CERT1: variants seen among roughly 807,000 people sequenced by gnomAD.
CERT1 encodes ceramide transfer protein.
Under a neutral mutation model 87.9 loss-of-function variants are expected in CERT1, and 31 were observed. The ratio of observed to expected loss-of-function variants is 0.35; its 90% CI spans 0.27 to 0.48. The LOEUF is 0.48. Among genes scored for constraint, CERT1 ranks in the 20% least tolerant of loss-of-function variants. The pLI is 0.99. For missense variants in CERT1, 487 were observed against 758.0 expected, an observed-to-expected ratio of 0.64 and a Z score of 4.20; for synonymous variants, 289 against 250.9, an observed-to-expected ratio of 1.15 and a Z score of -1.44.
intron 7 of CERT1, 39 bp from the exon 8 acceptor site, chr5:75,411,142 G>A: frequency 8.8e-7 from 1 of 1,142,808 alleles, no homozygotes; most frequent in Non-Finnish European, 1.3e-6. Flanking sequence ...TTTGAGGCAG[G>A]CATTTTAATT....
chr5:75,507,633 G>T (rs1580872401), intron 1 of CERT1, among the ~76,000 whole-genome samples: 2 of 152,038 alleles, frequency 1.3e-5, no homozygotes, highest in Non-Finnish European at 2.9e-5. Context: ...ACTTCCTTGG[G>T]GAGACTGCTA....
intron 7 of CERT1, among the ~76,000 whole-genome samples, chr5:75,413,518 A>C (rs1763014787): frequency 6.6e-6 from 1 of 152,202 alleles, no homozygotes; most frequent in South Asian, 2.1e-4. Flanking sequence ...CTGAGGCAGG[A>C]GGATCACCCG....
Position 75,476,937 on chromosome 5 carries a change from CTTAGTT to C in CERT1, c.232-17762_232-17757del, listed in dbSNP as rs1561290293. Among the ~76,000 whole-genome samples the C allele has an allele frequency of 2.6e-5, 4 of 152,264 alleles. No homozygotes were observed. The South Asian group carries it at 8.3e-4, about 32-fold the overall frequency. ...GGGAAAAAAAAATCCAGTCATCTCA[CTTAGTT>C]TTAAAGTCCCCCAAATTCCCAAATT... On this transcript the variant is annotated intron_variant, in intron 2 of 16. Coordinates refer to ENST00000643780, the MANE Select transcript of CERT1 (RefSeq NM_001379029.1).
At chr5:75,410,797 C>A in intron 8 of CERT1, 1 of 327,816 alleles carries the variant, frequency 3.1e-6, no homozygotes, top group Non-Finnish European at 5.4e-6. Flanking sequence ...TAATACTAAG[C>A]CTTTTGAAGC....
chr5:75,481,552 C>G (rs960418214), intron 2 of CERT1, among the ~76,000 whole-genome samples: 1 of 152,164 alleles, frequency 6.6e-6, no homozygotes, highest in Non-Finnish European at 1.5e-5. Context: ...CTAAGAGGAA[C>G]AGACTCCCAA....
chr5:75,374,216 A>G (rs888157172), downstream of CERT1: 2 of 398,892 alleles, frequency 5.0e-6, no homozygotes, highest in African/African-American at 2.1e-5. Context: ...AAAAAAAAAA[A>G]GACAAGTAAA....
At chr5:75,428,810 G>C (rs913004477) in intron 3 of CERT1, among the ~76,000 whole-genome samples, 1 of 152,036 alleles carries the variant, frequency 6.6e-6, no homozygotes, top group African/African-American at 2.4e-5. Context: ...ATTTAAAGTT[G>C]CAAAAGAACT....
At chr5:75,382,185 A>C in intron 14 of CERT1, 108 bp from the exon 15 acceptor site, 1 of 987,434 alleles carries the variant, frequency 1.0e-6, no homozygotes, top group Non-Finnish European at 1.5e-6. Flanking sequence ...TCAAATTTTA[A>C]ATGGAAAGCA....
At chr5:75,368,697 T>A (rs1760977877) in intron 17 of CERT1, 1 of 152,226 alleles carries the variant, frequency 6.6e-6, no homozygotes, top group African/African-American at 2.4e-5. Flanking sequence ...CTAATTGTGA[T>A]CAAATTTCAT....
intron 5 of CERT1, among the ~76,000 whole-genome samples, chr5:75,421,123 A>G (rs1029841128): frequency 6.6e-6 from 1 of 152,104 alleles, no homozygotes; most frequent in African/African-American, 2.4e-5. Flanking sequence ...TGGCTCCTTT[A>G]TCTTTTCAGG....
At chr5:75,402,327 T>TA (rs1379492305) in intron 9 of CERT1, 16 of 152,214 alleles carry the variant, frequency 1.1e-4, no homozygotes, top group African/African-American at 3.9e-4. Flanking sequence ...GCTTTTTACT[T>TA]AGACTAAATA....
chr5:75,469,943 C>T (rs915417946), intron 2 of CERT1, among the ~76,000 whole-genome samples: 1 of 152,024 alleles, frequency 6.6e-6, no homozygotes, highest in Non-Finnish European at 1.5e-5. Flanking sequence ...ATGAAATAGA[C>T]TTTAAGTCAA....
chr5:75,402,786 C>T (rs1170143785), intron 9 of CERT1, 186 bp downstream of exon 9: 9 of 426,032 alleles, frequency 2.1e-5, no homozygotes, highest in Non-Finnish European at 3.4e-5. Flanking sequence ...GGCAACAGAG[C>T]GAGACTCTGT....
intron 8 of CERT1, 66 bp from the exon 9 acceptor site, chr5:75,403,124 G>C (rs1762564761): frequency 9.6e-7 from 1 of 1,043,752 alleles, no homozygotes; most frequent in Non-Finnish European, 1.5e-6. Flanking sequence ...TGATAACTCT[G>C]GTATTAACTT....
intron 1 of CERT1, among the ~76,000 whole-genome samples, chr5:75,508,255 T>C (rs1043899159): frequency 2.0e-5 from 3 of 151,740 alleles, no homozygotes; most frequent in African/African-American, 7.3e-5. Flanking sequence ...TGTTCTTTTT[T>C]TCTTTGTCAA....
At chr5:75,446,317 G>C (rs373657263) in intron 3 of CERT1, among the ~76,000 whole-genome samples, 80 of 152,212 alleles carry the variant, frequency 5.3e-4, no homozygotes, top group African/African-American at 1.8e-3. Flanking sequence ...AGTTACTAGA[G>C]TTTCTAGCTC....
At chr5:75,413,787 T>G in intron 7 of CERT1, among the ~76,000 whole-genome samples, 1 of 151,982 alleles carries the variant, frequency 6.6e-6, no homozygotes, top group East Asian at 1.9e-4. Context: ...TGTCAAGAAT[T>G]AAAAATAATT....
chr5:75,395,943 A>G (rs1444132976), intron 11 of CERT1, among the ~76,000 whole-genome samples: 1 of 152,178 alleles, frequency 6.6e-6, no homozygotes, highest in Non-Finnish European at 1.5e-5. Flanking sequence ...TACAACTTTA[A>G]TTTCTCAGAT....
Position 75,494,875 on chromosome 5 carries a change from T to C in CERT1, c.231+11107A>G, listed in dbSNP as rs1247572368. Reference sequence around the variant, plus strand: ...TTCTTTTCTTCATAAGAAGATAAAGTAGATGTACCTTTACCTGGATGAAAT... The same window carrying C: ...TTCTTTTCTTCATAAGAAGATAAAGCAGATGTACCTTTACCTGGATGAAAT... On this transcript the variant is annotated intron_variant, in intron 2 of 16. Coordinates refer to ENST00000643780, the MANE Select transcript of CERT1 (RefSeq NM_001379029.1). Among the ~76,000 whole-genome samples, 6 of 152,326 alleles carry C rather than the reference T, an allele frequency of 3.9e-5. No individual in the cohort carries two copies. The East Asian group carries it at 1.2e-3, about 29-fold the overall frequency.
Sources: allele counts gnomAD v4.1 joint callset (sites outside exome capture counted in the v4.1 genomes callset), GRCh38; gene constraint gnomAD v4.1.1; transcripts MANE v1.5; gene names NCBI Gene and HGNC (gene_info 2026-07-23, HGNC 2026-07-21).